The following RBFOX1 variants were observed in gnomAD, a reference collection of about 807,000 sequenced individuals.
RBFOX1 encodes the protein RNA binding fox-1 homolog 1, also known as RNA binding protein fox-1 homolog 1.
Under a neutral mutation model 57.7 loss-of-function variants are expected in RBFOX1, and 8 were observed. The observed-to-expected ratio is 0.14, with a 90% CI of 0.08 to 0.25. The LOEUF (loss-of-function observed/expected upper bound fraction) is 0.25. Among genes scored for constraint, RBFOX1 ranks in the 10% least tolerant of loss-of-function variants. The probability of loss-of-function intolerance (pLI) is 1.00; values close to 1 mark genes in which losing one functional copy is unlikely to be tolerated. For synonymous variants in RBFOX1, 326 were observed against 222.4 expected, an observed-to-expected ratio of 1.47 and a Z score of -4.15; for missense variants, 611 against 548.5, an observed-to-expected ratio of 1.11 and a Z score of -1.14.
chr16:7,677,724 C>G (rs1012727867), intron 14 of RBFOX1, among the ~76,000 whole-genome samples: 1 of 152,290 alleles, frequency 6.6e-6, no homozygotes, highest in East Asian at 1.9e-4. Flanking sequence ...ATTGAGGGTG[C>G]TTATTTTGGT....
rs544171039 is a variant in RBFOX1 at position 5,363,712 on chromosome 16, C to A, written c.220-103504C>A. Among the ~76,000 whole-genome samples, 10 of 152,318 alleles carry A rather than the reference C, an allele frequency of 6.6e-5. No individual in the cohort carries two copies. In the South Asian group the frequency reaches 1.2e-3, roughly 19 times the overall value. On this transcript the variant is annotated intron_variant, in intron 1 of 2. Coordinates refer to the RBFOX1 transcript ENST00000585867. ...ATTATTTGCTTGTCTGTCTCCTACACCCCCAAGTCAGTGTCCTTGGGTTGG... is the reference window on the plus strand; with the variant it reads ...ATTATTTGCTTGTCTGTCTCCTACAACCCCAAGTCAGTGTCCTTGGGTTGG...
Position 7,226,713 on chromosome 16 carries a change from G to C in RBFOX1, c.27+174615G>C, listed in dbSNP as rs574284644. Among the ~76,000 whole-genome samples the C allele has an allele frequency of 9.8e-4, 149 of 152,324 alleles. 2 individuals are homozygous for C. The South Asian group carries it at 0.029, about 30-fold the overall frequency. ...AAAAAGTACTGTAGAGGAGTTCAGA[G>C]ATACGTCTAAAGTCACAGTTAATCA... is the stretch of plus-strand genomic sequence containing the variant. On this transcript the variant is annotated intron_variant, in intron 4 of 15. Coordinates refer to ENST00000550418, the MANE Select transcript of RBFOX1 (RefSeq NM_018723.4).
chr16:5,688,066 C>A (rs928239951), intron 3 of RBFOX1, among the ~76,000 whole-genome samples: 7 of 152,188 alleles, frequency 4.6e-5, no homozygotes, highest in Admixed American at 3.3e-4. Context: ...TCAAGCTCCC[C>A]AGCTGACCTA....
At chr16:5,384,864 C>G (rs987081384) in intron 1 of RBFOX1, among the ~76,000 whole-genome samples, 1 of 152,120 alleles carries the variant, frequency 6.6e-6, no homozygotes. Context: ...TGATTCCTAC[C>G]TCATCAGGTG....
intron 1 of RBFOX1, among the ~76,000 whole-genome samples, chr16:5,396,925 G>A (rs1332225632): frequency 6.6e-6 from 1 of 152,166 alleles, no homozygotes; most frequent in African/African-American, 2.4e-5. Flanking sequence ...ACCTTGTCCA[G>A]AATCCTATCA....
At chr16:6,843,242 T>A (rs1232343667) in intron 3 of RBFOX1, among the ~76,000 whole-genome samples, 1 of 152,188 alleles carries the variant, frequency 6.6e-6, no homozygotes, top group Non-Finnish European at 1.5e-5. Flanking sequence ...TGTGAACCTT[T>A]TGCAAAGTTG....
intron 3 of RBFOX1, among the ~76,000 whole-genome samples, chr16:7,010,032 G>GA (rs57641451): frequency 0.29 from 42,856 of 149,574 alleles, 7,736 homozygotes; most frequent in African/African-American, 0.5. Flanking sequence ...GAACTCTTAA[G>GA]AAAAAAAAAA....
chr16:7,478,445 T>A (rs1035790888), intron 4 of RBFOX1, among the ~76,000 whole-genome samples: 15 of 152,154 alleles, frequency 9.9e-5, no homozygotes, highest in African/African-American at 4.8e-5. Flanking sequence ...CAATCTGAGC[T>A]GCTGAAGAGA....
intron 2 of RBFOX1, among the ~76,000 whole-genome samples, chr16:6,600,797 T>C (rs1282429385): frequency 2.0e-5 from 3 of 151,910 alleles, no homozygotes; most frequent in African/African-American, 7.2e-5. Flanking sequence ...ATCAAGGACA[T>C]AGTCAATGTA....
At chr16:6,795,958 G>T (rs2083921056) in intron 3 of RBFOX1, among the ~76,000 whole-genome samples, 1 of 151,960 alleles carries the variant, frequency 6.6e-6, no homozygotes, top group Non-Finnish European at 1.5e-5. Flanking sequence ...TTGGGATAAG[G>T]GAATGTTATT....
chr16:7,379,404 A>T (rs1032704847), intron 4 of RBFOX1, among the ~76,000 whole-genome samples: 2 of 152,212 alleles, frequency 1.3e-5, no homozygotes, highest in African/African-American at 4.8e-5. Context: ...AAAATAGAAC[A>T]CTTGTGTGCA....
chr16:7,579,351 A>G (rs915295910), intron 5 of RBFOX1, among the ~76,000 whole-genome samples: 1 of 152,206 alleles, frequency 6.6e-6, no homozygotes, highest in African/African-American at 2.4e-5. Flanking sequence ...GTTAAGAAAT[A>G]CACACTGTCC....
chr16:5,949,277 C>T (rs2059468952), intron 4 of RBFOX1, among the ~76,000 whole-genome samples: 1 of 152,074 alleles, frequency 6.6e-6, no homozygotes, highest in Non-Finnish European at 1.5e-5. Context: ...AAAAAGAATA[C>T]AGGCTTTTGG....
intron 4 of RBFOX1, among the ~76,000 whole-genome samples, chr16:5,911,851 C>T (rs1019155489): frequency 5.3e-5 from 8 of 152,252 alleles, no homozygotes; most frequent in Non-Finnish European, 1.0e-4. Flanking sequence ...ATGAGGGCCC[C>T]ACCCCCATGG....
intron 4 of RBFOX1, among the ~76,000 whole-genome samples, chr16:7,148,034 C>T (rs1318239310): frequency 6.6e-6 from 1 of 152,104 alleles, no homozygotes; most frequent in East Asian, 1.9e-4. Context: ...AGATCAGAGG[C>T]CAAATGAAAA....
chr16:6,893,106 C>G (rs1050896873), intron 3 of RBFOX1, among the ~76,000 whole-genome samples: 1 of 152,200 alleles, frequency 6.6e-6, no homozygotes, highest in Admixed American at 6.5e-5. Flanking sequence ...CTCCTAGATT[C>G]CATTCACAGG....
chr16:7,634,594 T>C (rs2061474495), intron 11 of RBFOX1, among the ~76,000 whole-genome samples: 1 of 152,180 alleles, frequency 6.6e-6, no homozygotes, highest in African/African-American at 2.4e-5. Context: ...ATTAAGTGAA[T>C]CATCCTAACA....
chr16:7,633,864 T>A (rs1054517539), intron 11 of RBFOX1, among the ~76,000 whole-genome samples: 4 of 152,222 alleles, frequency 2.6e-5, no homozygotes, highest in Non-Finnish European at 5.9e-5. Context: ...AGGCTGTTTG[T>A]GGATTGCTGG....
intron 3 of RBFOX1, among the ~76,000 whole-genome samples, chr16:6,682,265 A>C (rs2058760556): frequency 6.6e-6 from 1 of 152,214 alleles, no homozygotes; most frequent in South Asian, 2.1e-4. Context: ...GATAGGAAGC[A>C]CACAGCCCTG....
Sources: allele counts gnomAD v4.1 joint callset (sites outside exome capture counted in the v4.1 genomes callset), GRCh38; gene constraint gnomAD v4.1.1; transcripts MANE v1.5; gene names NCBI Gene and HGNC (gene_info 2026-07-23, HGNC 2026-07-21).